The following CLGN variants were observed in gnomAD, a reference collection of about 807,000 sequenced individuals.
CLGN encodes testis tissue sperm-binding protein Li 79P.
Under a neutral mutation model 79.1 loss-of-function variants are expected in CLGN, and 62 were observed. That is an observed-to-expected ratio of 0.78 (90% CI 0.64 to 0.97). The LOEUF is 0.97. Among genes scored for constraint, CLGN ranks in the 50% least tolerant of loss-of-function variants. CLGN has a pLI of 0.00. For missense variants in CLGN, 647 were observed against 715.5 expected, an observed-to-expected ratio of 0.90 and a Z score of 1.09; for synonymous variants, 225 against 224.7, an observed-to-expected ratio of 1.00 and a Z score of -0.01.
In CLGN at chr4:140,415,224, A is replaced by C. The variant is rs1268988787; in HGVS notation, c.-9-2137T>G. ...AGCGCTAAACATGGAAAGGAACAAC[A>C]GGTACCAGCTGCTGCAAAATCATGC... On this transcript the variant is annotated intron_variant, in intron 1 of 14. Transcript: ENST00000325617. 3.9e-5 allele frequency among the ~76,000 whole-genome samples: 6 copies of C among 152,314 alleles called. No individual in the cohort carries two copies. The East Asian group carries it at 1.2e-3, about 29-fold the overall frequency.
intron 1 of CLGN, among the ~76,000 whole-genome samples, chr4:140,418,125 G>A (rs1306913243): frequency 6.6e-6 from 1 of 151,394 alleles, no homozygotes; most frequent in African/African-American, 2.4e-5. Flanking sequence ...TTAATAAATG[G>A]TGCTGGGAAA....
At chr4:140,389,508 A>G (rs1455108377) in intron 14 of CLGN, among the ~76,000 whole-genome samples, 1 of 151,896 alleles carries the variant, frequency 6.6e-6, no homozygotes, top group Non-Finnish European at 1.5e-5. Context: ...CATACACATA[A>G]GAAGACGGAA....
chr4:140,404,078 T>A (rs1040429957), intron 5 of CLGN, among the ~76,000 whole-genome samples: 1 of 151,876 alleles, frequency 6.6e-6, no homozygotes, highest in Admixed American at 6.6e-5. Context: ...TTTAATTTTA[T>A]TTTTATTTAT....
At chr4:140,389,712 A>G (rs1188113441) in intron 14 of CLGN, among the ~76,000 whole-genome samples, 1 of 151,888 alleles carries the variant, frequency 6.6e-6, no homozygotes, top group Non-Finnish European at 1.5e-5. Flanking sequence ...ATGGATATTC[A>G]TACTAAATAA....
intron 7 of CLGN, 148 bp downstream of exon 7, chr4:140,400,209 G>A (rs536069600): frequency 1.1e-4 from 59 of 547,740 alleles, no homozygotes; most frequent in Admixed American, 2.2e-4. Flanking sequence ...TTTTCTACCC[G>A]TGCTGTCATT....
intron 2 of CLGN, among the ~76,000 whole-genome samples, chr4:140,412,358 A>T (rs1729229832): frequency 2.0e-5 from 3 of 152,172 alleles, no homozygotes; most frequent in Non-Finnish European, 4.4e-5. Flanking sequence ...ATATTCCTCA[A>T]TGTAAAAGCT....
intron 14 of CLGN, among the ~76,000 whole-genome samples, chr4:140,389,511 A>C (rs567901653): frequency 5.3e-5 from 8 of 152,014 alleles, no homozygotes; most frequent in African/African-American, 9.6e-5. Context: ...ACACATAAGA[A>C]GACGGAAAGA....
intron 4 of CLGN, among the ~76,000 whole-genome samples, chr4:140,407,141 C>T (rs545609159): frequency 5.9e-5 from 9 of 151,860 alleles, no homozygotes; most frequent in Non-Finnish European, 1.0e-4. Flanking sequence ...TATTAAGTTT[C>T]CAAGTTTCTT....
Position 140,409,891 on chromosome 4 carries a change from C to A in CLGN, c.223G>T (p.Val75Phe), listed in dbSNP as rs149787047. The change falls in exon 4 of 15, where the codon GTC becomes TTC. Residue 75 changes from valine (V) to phenylalanine (F), a missense_variant. Coordinates refer to ENST00000325617, the MANE Select transcript of CLGN (RefSeq NM_004362.3). The stretch of plus-strand genomic sequence containing the variant: ...TCATCTTTCTTTGCTTTTGATAAGA[C>A]CCATCTGTAAATAAAGTTGAACATA... Reference protein sequence around the residue: ...TFDSGRLAGWVLSKAKKDDMD... With the variant: ...TFDSGRLAGWFLSKAKKDDMD... 3.6e-5 allele frequency: 58 copies of A among 1,595,766 alleles called. No individual in the cohort carries two copies. The African/African-American group carries it at 5.9e-4, about 16-fold the overall frequency.
rs1728863551 is a variant in CLGN, at chr4:140,395,859, C to G, written c.1109G>C (p.Gly370Ala). The G allele has an allele frequency of 1.9e-6, 3 of 1,583,402 alleles. No individual in the cohort carries two copies. The highest frequency in any genetic ancestry group is 1.7e-4 in the Middle Eastern group (1 of 5,896). The change falls in exon 10 of 15, where the codon GGA becomes GCA. Residue 370 changes from glycine (G) to alanine (A), a missense_variant. Gly to Ala is a moderately conservative substitution (Grantham distance 60). Coordinates refer to ENST00000325617, the MANE Select transcript of CLGN (RefSeq NM_004362.3). ...PPMIDNPKYK[G>A]VWRPPLVDNP... Reference sequence around the variant, plus strand: ...ATCGACCAGTGGAGGTCTCCATACTCCTTTGTATTTTGGGTTATCTATCAT... The same window carrying G: ...ATCGACCAGTGGAGGTCTCCATACTGCTTTGTATTTTGGGTTATCTATCAT...
chr4:140,403,030 T>G (rs1729027085), intron 5 of CLGN, among the ~76,000 whole-genome samples: 1 of 152,120 alleles, frequency 6.6e-6, no homozygotes, highest in African/African-American at 2.4e-5. Context: ...CAGTTTGAAC[T>G]CAATTGGTGT....
chr4:140,417,455 T>C (rs1347822979), intron 1 of CLGN, among the ~76,000 whole-genome samples: 8 of 136,334 alleles, frequency 5.9e-5, no homozygotes, highest in Non-Finnish European at 7.8e-5. Flanking sequence ...GAAAACCCCA[T>C]TGTCTCAGCC....
At chr4:140,422,337 G>T (rs1246688340) in intron 1 of CLGN, among the ~76,000 whole-genome samples, 1 of 152,132 alleles carries the variant, frequency 6.6e-6, no homozygotes, top group South Asian at 2.1e-4. Context: ...CACTGAATCT[G>T]TAGATTACTT....
chr4:140,405,874 A>G, intron 5 of CLGN, 68 bp downstream of exon 5: 1 of 1,458,558 alleles, frequency 6.9e-7, no homozygotes, highest in Non-Finnish European at 9.2e-7. Context: ...TCAAAATACA[A>G]GCTATATTCA....
chr4:140,420,426 A>C (rs746961285), intron 1 of CLGN, among the ~76,000 whole-genome samples: 3 of 152,192 alleles, frequency 2.0e-5, no homozygotes, highest in Non-Finnish European at 4.4e-5. Context: ...TTTACAGCCC[A>C]GGACATGAAT....
intron 1 of CLGN, among the ~76,000 whole-genome samples, chr4:140,419,519 C>T (rs974058978): frequency 1.1e-4 from 17 of 151,484 alleles, no homozygotes; most frequent in Admixed American, 3.3e-4. Context: ...ATTATAAAAC[C>T]AAAATACATT....
chr4:140,421,528 G>A (rs561468909), intron 1 of CLGN, among the ~76,000 whole-genome samples: 1 of 152,032 alleles, frequency 6.6e-6, no homozygotes, highest in East Asian at 1.9e-4. Context: ...TCATATTGTG[G>A]TTTGATTTGC....
chr4:140,394,051 A>G lies in CLGN; in HGVS notation c.1150-10T>C, dbSNP rs570518802. 23 of 1,566,140 alleles carry G rather than the reference A, an allele frequency of 1.5e-5. No homozygotes were observed. The South Asian group carries it at 1.8e-4, about 12-fold the overall frequency. ...GAGGACTCCAGATTCCCTGGAAGAA[A>G]AGTAATTGAAGACATTTTCAAATAA... On this transcript the variant is annotated splice_polypyrimidine_tract_variant and intron_variant, in intron 10 of 14. Coordinates refer to ENST00000325617, the MANE Select transcript of CLGN (RefSeq NM_004362.3).
At position 140,392,330 on chromosome 4, in the gene CLGN, G is replaced by A; in HGVS notation, c.1540C>T (p.Gln514Ter). ...TCTTGCTCTAGTACTCCTTTTGTTT[G>A]TGGTATACATATGTCGGTTTTTTTA... ...EYKKTDICIP[Q>*]TKGVLEQEEK... The change falls in exon 13 of 15, where the codon CAA (glutamine) becomes TAA (stop). Residue 514 changes from glutamine to a stop codon, truncating the protein, a stop_gained. Transcript: ENST00000325617. LOFTEE classifies it high-confidence loss of function. 6.2e-7 allele frequency: 1 copy of A among 1,612,228 alleles called. No individual in the cohort carries two copies. Among genetic ancestry groups the A allele is most frequent in the Non-Finnish European group, 8.5e-7 (1 of 1,179,042 alleles).
Sources: allele counts gnomAD v4.1 joint callset (sites outside exome capture counted in the v4.1 genomes callset), GRCh38; gene constraint gnomAD v4.1.1; transcripts MANE v1.5; gene names NCBI Gene and HGNC (gene_info 2026-07-23, HGNC 2026-07-21).